Variants in FBXO15 observed in about 807,000 individuals in gnomAD.
FBXO15 encodes F-box protein 15.
FBXO15 carries 30 observed loss-of-function variants against 49.5 expected under a neutral mutation model. The ratio of observed to expected loss-of-function variants is 0.61; its 90% CI spans 0.45 to 0.82. FBXO15 has a LOEUF of 0.82. Ranked by LOEUF, FBXO15 falls within the 40% of genes least tolerant of loss-of-function variation. The probability of loss-of-function intolerance (pLI) is 0.00; values close to 1 mark genes in which losing one functional copy is unlikely to be tolerated. For missense variants in FBXO15, 591 were observed against 631.5 expected (o/e 0.94, Z 0.69); for synonymous variants, 250 against 232.7 (o/e 1.07, Z -0.68).
intron 7 of FBXO15, among the ~76,000 whole-genome samples, chr18:74,123,883 G>C (rs1052078939): frequency 2.0e-5 from 3 of 151,840 alleles, no homozygotes; most frequent in Non-Finnish European, 4.4e-5. Flanking sequence ...CGATCTGCAG[G>C]ACAAACACCC....
chr18:74,079,475 G>A (rs758730932), intron 9 of FBXO15, among the ~76,000 whole-genome samples: 1 of 152,304 alleles, frequency 6.6e-6, no homozygotes, highest in African/African-American at 2.4e-5. Context: ...ACAACAATGA[G>A]AAGGTATGTA....
intron 3 of FBXO15, among the ~76,000 whole-genome samples, chr18:74,134,917 C>T (rs1234859116): frequency 1.3e-5 from 2 of 152,142 alleles, no homozygotes; most frequent in African/African-American, 4.8e-5. Flanking sequence ...AACCGGCATT[C>T]CCTCTCATCT....
At chr18:74,113,052 C>G (rs1391618524) in intron 8 of FBXO15, among the ~76,000 whole-genome samples, 1 of 152,120 alleles carries the variant, frequency 6.6e-6, no homozygotes, top group South Asian at 2.1e-4. Flanking sequence ...TGGAAGCAAC[C>G]AAGATGTCTT....
intron 8 of FBXO15, among the ~76,000 whole-genome samples, chr18:74,111,056 C>G (rs955590580): frequency 6.6e-6 from 1 of 151,938 alleles, no homozygotes; most frequent in African/African-American, 2.4e-5. Flanking sequence ...CATAAATCAA[C>G]GGGGTATAAT....
At chr18:74,144,385 C>T (rs1184815598) in intron 1 of FBXO15, among the ~76,000 whole-genome samples, 5 of 150,434 alleles carry the variant, frequency 3.3e-5, no homozygotes, top group Non-Finnish European at 7.4e-5. Flanking sequence ...CATATTGAAT[C>T]TGTAATAAGT....
At chr18:74,073,863 T>C in intron 9 of FBXO15, 133 bp from the exon 10 acceptor site, 1 of 1,109,702 alleles carries the variant, frequency 9.0e-7, no homozygotes, top group South Asian at 1.6e-5. Flanking sequence ...TCATTGGTTT[T>C]TCATGGCCTA....
At chr18:74,118,047 C>T (rs918050047) in intron 8 of FBXO15, among the ~76,000 whole-genome samples, 3 of 150,924 alleles carry the variant, frequency 2.0e-5, no homozygotes, top group African/African-American at 7.3e-5. Flanking sequence ...TGCTCTGTTG[C>T]CCAGGCTGGA....
chr18:74,141,641 C>T (rs1385930035), intron 1 of FBXO15, among the ~76,000 whole-genome samples: 3 of 152,098 alleles, frequency 2.0e-5, no homozygotes, highest in African/African-American at 4.8e-5. Context: ...GAACCAACCC[C>T]CCTGAAAGCT....
At chr18:74,124,665 G>A (rs1339774997) in intron 6 of FBXO15, 94 bp from the exon 7 acceptor site, 1 of 1,038,248 alleles carries the variant, frequency 9.6e-7, no homozygotes. Flanking sequence ...TCATCTTGCA[G>A]ATAGAGGCAC....
In FBXO15 at chr18:74,074,008, T is replaced by C. The variant is rs952856314; in HGVS notation, c.1264-278A>G. Among the ~76,000 whole-genome samples, 2 of 152,110 alleles carry C rather than the reference T, an allele frequency of 1.3e-5. No individual in the cohort carries two copies. Among genetic ancestry groups the C allele is most frequent in the Non-Finnish European group, 2.9e-5 (2 of 68,022 alleles). Reference sequence around the variant, plus strand: ...AGCTCAGAGAAATGTGTCACAAATATTGTCCCTCTCCTCATGGAAGTTAAA... The same window carrying C: ...AGCTCAGAGAAATGTGTCACAAATACTGTCCCTCTCCTCATGGAAGTTAAA... On this transcript the variant is annotated intron_variant, in intron 9 of 9. Coordinates refer to ENST00000419743, the MANE Select transcript of FBXO15 (RefSeq NM_001142958.2). The surrounding 1 kb of genome is among the most constrained non-coding windows in gnomAD (Gnocchi z 4.7).
In FBXO15 at chr18:74,094,171, T is replaced by A. The variant is rs955215125; in HGVS notation, c.1139-12120A>T. Among the ~76,000 whole-genome samples, 12 of 152,346 alleles carry A rather than the reference T, an allele frequency of 7.9e-5. No individual in the cohort carries two copies. The East Asian group carries it at 1.4e-3, about 17-fold the overall frequency. ...TTGATATAGTCTAGATATGTATCTC[T>A]GCCAAAATTTCATGTTGAAATGTAA... On this transcript the variant is annotated intron_variant, in intron 8 of 9. Coordinates refer to ENST00000419743, the MANE Select transcript of FBXO15 (RefSeq NM_001142958.2).
At chr18:74,090,531 G>A (rs1414425244) in intron 8 of FBXO15, among the ~76,000 whole-genome samples, 1 of 152,126 alleles carries the variant, frequency 6.6e-6, no homozygotes, top group Non-Finnish European at 1.5e-5. Context: ...ACTTTTCGAT[G>A]TGGGTGTTTA....
intron 6 of FBXO15, among the ~76,000 whole-genome samples, chr18:74,125,745 A>T (rs1260058795): frequency 6.6e-6 from 1 of 152,244 alleles, no homozygotes; most frequent in Non-Finnish European, 1.5e-5. Flanking sequence ...ATAGCAGAAC[A>T]GCAGAACAAC....
chr18:74,105,154 G>A (rs917974754), intron 8 of FBXO15, among the ~76,000 whole-genome samples: 1 of 152,084 alleles, frequency 6.6e-6, no homozygotes, highest in East Asian at 1.9e-4. Flanking sequence ...CATTACTGGA[G>A]GCAAGGAAGG....
intron 3 of FBXO15, among the ~76,000 whole-genome samples, chr18:74,132,977 T>A (rs893924301): frequency 3.9e-5 from 6 of 152,188 alleles, no homozygotes; most frequent in African/African-American, 1.4e-4. Flanking sequence ...TGCCCATAAG[T>A]CATCAGTGTA....
intron 8 of FBXO15, chr18:74,099,260 G>T (rs1217921907): frequency 6.6e-6 from 1 of 152,158 alleles, no homozygotes; most frequent in Non-Finnish European, 1.5e-5. Context: ...AAGGGATTGG[G>T]GCCCTATGTT....
intron 9 of FBXO15, among the ~76,000 whole-genome samples, chr18:74,080,708 A>C (rs1288292771): frequency 6.6e-6 from 1 of 152,244 alleles, no homozygotes; most frequent in Non-Finnish European, 1.5e-5. Flanking sequence ...TCTGCCCTAC[A>C]TAAAGTCCCA....
At chr18:74,089,336 G>C (rs1206308414) in intron 8 of FBXO15, among the ~76,000 whole-genome samples, 2 of 152,168 alleles carry the variant, frequency 1.3e-5, no homozygotes, top group Non-Finnish European at 2.9e-5. Context: ...AAGAGCTTTT[G>C]AGCAGAGACT....
At chr18:74,146,846 G>A (rs985630170) in intron 1 of FBXO15, among the ~76,000 whole-genome samples, 3 of 152,012 alleles carry the variant, frequency 2.0e-5, no homozygotes. Context: ...ATAGACCATT[G>A]GTTTATTAGA....
Sources: allele counts gnomAD v4.1 joint callset (sites outside exome capture counted in the v4.1 genomes callset), GRCh38; gene constraint gnomAD v4.1.1; non-coding constraint Gnocchi (gnomAD v3.1); transcripts MANE v1.5; gene names NCBI Gene and HGNC (gene_info 2026-07-23, HGNC 2026-07-21).